The following TLK2 variants were observed in gnomAD, a reference collection of about 807,000 sequenced individuals.
TLK2 encodes tousled like kinase 2.
In TLK2, 6 loss-of-function variants were observed where a neutral mutation model predicts 117.3. The observed-to-expected ratio is 0.05, with a 90% CI of 0.03 to 0.10. The LOEUF is 0.10. Ranked by LOEUF, TLK2 falls within the 10% of genes least tolerant of loss-of-function variation. TLK2 has a pLI of 1.00. For missense variants in TLK2, 299 were observed against 901.2 expected (o/e 0.33, Z 8.56); for synonymous variants, 257 against 316.7 (o/e 0.81, Z 2.00).
At chr17:62,536,106 C>T (rs1372434492) in intron 6 of TLK2, 64 bp from the exon 7 acceptor site, 4 of 1,540,174 alleles carry the variant, frequency 2.6e-6, no homozygotes, top group Non-Finnish European at 3.5e-6. Context: ...TAACCCGTTG[C>T]ATGTTTGGGC....
At chr17:62,514,852 T>C (rs567362346) in intron 2 of TLK2, among the ~76,000 whole-genome samples, 8 of 152,354 alleles carry the variant, frequency 5.3e-5, no homozygotes, top group African/African-American at 1.9e-4. Flanking sequence ...GTGCTGGGCT[T>C]ACAGGCGTGA....
At chr17:62,504,371 GC>G (rs1408205367) in intron 2 of TLK2, among the ~76,000 whole-genome samples, 1 of 152,114 alleles carries the variant, frequency 6.6e-6, no homozygotes, top group Admixed American at 6.6e-5. Flanking sequence ...TCAGTGATTT[GC>G]CCAGTTTCAT....
intron 6 of TLK2, among the ~76,000 whole-genome samples, chr17:62,532,000 C>CT (rs151089869): frequency 6.6e-6 from 1 of 152,292 alleles, no homozygotes; most frequent in African/African-American, 2.4e-5. Context: ...TGGTCTGTGA[C>CT]TATCTGCTTG....
intron 13 of TLK2, among the ~76,000 whole-genome samples, 191 bp downstream of exon 13, chr17:62,576,966 C>CTTCTTTTTTTTTTTTT (rs749402691): frequency 8.6e-6 from 1 of 115,950 alleles, no homozygotes; most frequent in African/African-American, 3.0e-5. Context: ...CTTTCTTCTT[C>CTTCTTTTTTTTTTTTT]TTTTTTTTTT....
chr17:62,492,036 C>A (rs559306787), intron 2 of TLK2, among the ~76,000 whole-genome samples: 1 of 152,202 alleles, frequency 6.6e-6, no homozygotes, highest in Non-Finnish European at 1.5e-5. Context: ...CTGGGCACTT[C>A]CAATTTAAGA....
intron 6 of TLK2, among the ~76,000 whole-genome samples, chr17:62,534,954 TCTGGGCTCACTGCAACTTCCGCCTC>T (rs2077011391): frequency 1.5e-5 from 2 of 131,680 alleles, no homozygotes; most frequent in African/African-American, 5.7e-5. Context: ...AGTGGCGCAA[TCTGGGCTCACTGCAACTTCCGCCTC>T]CTGGGTTTAA....
At chr17:62,478,478 C>T (rs929570697), upstream of TLK2, among the ~76,000 whole-genome samples, 1 of 150,044 alleles carries the variant, frequency 6.7e-6, no homozygotes, top group Non-Finnish European at 1.5e-5. Flanking sequence ...GCGGGTCCTC[C>T]GGGCCTCCGG....
At chr17:62,564,884 A>C (rs2079622466) in intron 10 of TLK2, 117 bp from the exon 11 acceptor site, 1 of 1,294,672 alleles carries the variant, frequency 7.7e-7, no homozygotes, top group African/African-American at 1.5e-5. Flanking sequence ...CTGTTCTGAG[A>C]AGTGTATGGT....
chr17:62,609,804 A>G (rs1317638684), intron 21 of TLK2, among the ~76,000 whole-genome samples: 1 of 152,170 alleles, frequency 6.6e-6, no homozygotes, highest in East Asian at 1.9e-4. Flanking sequence ...AACAGAGACA[A>G]AAACATCTTC....
chr17:62,561,253 A>C (rs1324050387), intron 10 of TLK2, among the ~76,000 whole-genome samples: 1 of 152,210 alleles, frequency 6.6e-6, no homozygotes, highest in Non-Finnish European at 1.5e-5. Flanking sequence ...ATTGGTTCCA[A>C]GTCTTTGCTA....
upstream of TLK2, among the ~76,000 whole-genome samples, chr17:62,476,914 T>G (rs9898829): frequency 0.38 from 50,679 of 134,414 alleles, 8,712 homozygotes; most frequent in Admixed American, 0.47. Context: ...AAACCTCGAT[T>G]CTACCAAAAA....
At position 62,541,064 on chromosome 17, in the gene TLK2, A is replaced by T. The variant is rs184137343; in HGVS notation, c.531+4727A>T. ...GCCTTTGCCCTAACATTCTTCACCC[A>T]TATATCATCATGCCCTGCTCTCTCA... On this transcript the variant is annotated intron_variant, in intron 7 of 21. Transcript: ENST00000346027. 1.9e-3 allele frequency among the ~76,000 whole-genome samples: 284 copies of T among 152,088 alleles called. 1 individual carries two copies. The highest frequency in any genetic ancestry group is 6.6e-3 in the African/African-American group (273 of 41,482).
intron 9 of TLK2, among the ~76,000 whole-genome samples, chr17:62,554,983 A>AT (rs2078743956): frequency 6.6e-6 from 1 of 151,338 alleles, no homozygotes; most frequent in Non-Finnish European, 1.5e-5. Flanking sequence ...TTTTTCAGTA[A>AT]TTTTGAGCTG....
intron 7 of TLK2, among the ~76,000 whole-genome samples, chr17:62,546,459 A>AG (rs2077948523): frequency 6.9e-6 from 1 of 144,266 alleles, no homozygotes; most frequent in Admixed American, 7.0e-5. Flanking sequence ...GCCATTAGAT[A>AG]GTTTCAGGGT....
chr17:62,607,263 T>A (rs937205522), intron 20 of TLK2, among the ~76,000 whole-genome samples: 10 of 151,222 alleles, frequency 6.6e-5, no homozygotes, highest in Non-Finnish European at 1.2e-4. Context: ...CTCACACCTG[T>A]AATCCCAGCA....
At position 62,548,238 on chromosome 17, in the gene TLK2, A is replaced by ATGTGTGTGTGTGTGTG. The variant is rs141908103; in HGVS notation, c.532-4063_532-4062insGTGTGTGTGTGTGTGT. ...ACTTATCATTGGGCCATATATATAT[A>ATGTGTGTGTGTGTGTG]TATGTGTGTGTGTGTGTGTGTGTGT... On this transcript the variant is annotated intron_variant, in intron 7 of 21. Transcript: ENST00000346027. 6.9e-4 allele frequency among the ~76,000 whole-genome samples: 77 copies of ATGTGTGTGTGTGTGTG among 111,882 alleles called. No homozygotes were observed. In the East Asian group the frequency reaches 7.7e-3, roughly 11 times the overall value. 73.4% of individuals were successfully genotyped at this position (111,882 alleles called of 152,430 possible).
At chr17:62,522,344 T>C in intron 4 of TLK2, 71 bp downstream of exon 4, 2 of 1,486,284 alleles carry the variant, frequency 1.3e-6, no homozygotes, top group Non-Finnish European at 1.8e-6. Flanking sequence ...TAACTCATAC[T>C]AAATAATTAG....
intron 2 of TLK2, among the ~76,000 whole-genome samples, chr17:62,506,850 G>A (rs1226761920): frequency 1.3e-5 from 2 of 152,002 alleles, no homozygotes; most frequent in African/African-American, 4.8e-5. Context: ...AGTTGCATAT[G>A]GCTAGTGCTT....
chr17:62,506,607 G>T (rs2074714097), intron 2 of TLK2, among the ~76,000 whole-genome samples: 2 of 152,056 alleles, frequency 1.3e-5, no homozygotes, highest in South Asian at 4.1e-4. Context: ...TTTCTTCAAG[G>T]TTACATACCT....
Sources: gnomAD v4.1 joint callset for allele counts (sites outside exome capture counted in the v4.1 genomes callset) on GRCh38, gnomAD v4.1.1 for gene constraint, MANE v1.5 for transcripts, NCBI Gene and HGNC (gene_info 2026-07-23, HGNC 2026-07-21) for gene names.